Variants in NELL1 observed in about 807,000 individuals in gnomAD.
The protein encoded by NELL1 is protein kinase C-binding protein NELL1.
In NELL1, 76 loss-of-function variants were observed where a neutral mutation model predicts 107.4. The observed-to-expected ratio is 0.71, with a 90% CI of 0.59 to 0.86. The LOEUF is 0.86. NELL1 is among the 40% of genes least tolerant of loss of function. NELL1 has a pLI of 0.00. For synonymous variants in NELL1, 353 were observed against 341.2 expected, an observed-to-expected ratio of 1.03 and a Z score of -0.38; for missense variants, 1,024 against 1,005.5, an observed-to-expected ratio of 1.02 and a Z score of -0.25.
chr11:21,353,367 A>G (rs1033067151), intron 14 of NELL1, among the ~76,000 whole-genome samples: 7 of 152,194 alleles, frequency 4.6e-5, no homozygotes, highest in African/African-American at 1.2e-4. Context: ...TCATTTCACA[A>G]GTGAGGAAAC....
chr11:20,920,072 C>T (rs1379100854), intron 7 of NELL1, among the ~76,000 whole-genome samples: 1 of 152,016 alleles, frequency 6.6e-6, no homozygotes, highest in Admixed American at 6.6e-5. Flanking sequence ...AGTGTATATT[C>T]ATAATGAAAA....
chr11:21,316,084 C>A (rs1047221224), intron 14 of NELL1, among the ~76,000 whole-genome samples: 30 of 152,076 alleles, frequency 2.0e-4, no homozygotes, highest in African/African-American at 7.0e-4. Context: ...ATCAATTTGT[C>A]AAAAATATGT....
chr11:21,345,423 G>C lies in NELL1; in HGVS notation c.1550-25430G>C, dbSNP rs908015030. On this transcript the variant is annotated intron_variant, in intron 14 of 19. Transcript: ENST00000357134. ...AAGCTTTACTATTTTCAAAGCATTT[G>C]CATATCCATATCTTATTTAGACATC... Among the ~76,000 whole-genome samples, 3 of 152,206 alleles carry C rather than the reference G, an allele frequency of 2.0e-5. No individual in the cohort carries two copies. In the East Asian group the frequency reaches 5.8e-4, roughly 29 times the overall value.
intron 13 of NELL1, among the ~76,000 whole-genome samples, chr11:21,211,611 G>A (rs1217720547): frequency 3.3e-5 from 5 of 152,070 alleles, no homozygotes; most frequent in African/African-American, 1.2e-4. Context: ...GAGATGCATT[G>A]GGAAGCTATA....
At chr11:20,990,338 C>A (rs943469982) in intron 12 of NELL1, among the ~76,000 whole-genome samples, 2 of 152,162 alleles carry the variant, frequency 1.3e-5, no homozygotes, top group African/African-American at 4.8e-5. Flanking sequence ...CTGCTGAAGT[C>A]TCCTCACCCA....
chr11:20,995,511 G>A (rs957112120), intron 12 of NELL1, among the ~76,000 whole-genome samples: 8 of 152,036 alleles, frequency 5.3e-5, no homozygotes, highest in Non-Finnish European at 1.0e-4. Flanking sequence ...CCAGGAAGCG[G>A]AGGTTACAGT....
intron 14 of NELL1, among the ~76,000 whole-genome samples, chr11:21,310,982 C>T (rs1265604074): frequency 6.6e-6 from 1 of 152,040 alleles, no homozygotes; most frequent in Non-Finnish European, 1.5e-5. Flanking sequence ...GGTATATGGG[C>T]AGCAGACACC....
intron 12 of NELL1, among the ~76,000 whole-genome samples, chr11:21,067,172 A>G (rs1215252706): frequency 6.6e-6 from 1 of 151,926 alleles, no homozygotes; most frequent in Non-Finnish European, 1.5e-5. Context: ...TTTGTGCTTC[A>G]TTTTTGTTGC....
chr11:20,995,353 G>A (rs1041184221), intron 12 of NELL1, among the ~76,000 whole-genome samples: 4 of 151,954 alleles, frequency 2.6e-5, no homozygotes, highest in African/African-American at 7.3e-5. Context: ...AGGCTGAGGC[G>A]GGCAGATCAC....
At chr11:21,318,277 T>C (rs1331507169) in intron 14 of NELL1, among the ~76,000 whole-genome samples, 1 of 152,190 alleles carries the variant, frequency 6.6e-6, no homozygotes, top group Non-Finnish European at 1.5e-5. Context: ...TAGGACAGTA[T>C]GTAATTCATG....
chr11:20,775,453 CTT>C (rs1289021366), intron 2 of NELL1, among the ~76,000 whole-genome samples: 1 of 145,306 alleles, frequency 6.9e-6, no homozygotes, highest in African/African-American at 2.6e-5. Context: ...ATAATGCACT[CTT>C]AATCGTATTA....
chr11:20,742,417 C>T lies in NELL1; in HGVS notation c.185-41263C>T, dbSNP rs561927599. On this transcript the variant is annotated intron_variant, in intron 2 of 19. Transcript: ENST00000357134. ...AGGGATCTTGGCTCCCATGGGTCTACTCATTACCTCCCCTTATAGCACACT... is the reference window on the plus strand; with the variant it reads ...AGGGATCTTGGCTCCCATGGGTCTATTCATTACCTCCCCTTATAGCACACT... Among the ~76,000 whole-genome samples the T allele has an allele frequency of 4.0e-4, 61 of 152,242 alleles. No individual in the cohort carries two copies. In the South Asian group the frequency reaches 0.013, roughly 32 times the overall value.
intron 2 of NELL1, among the ~76,000 whole-genome samples, chr11:20,689,693 C>T (rs1211675575): frequency 8.0e-5 from 12 of 149,392 alleles, no homozygotes; most frequent in Non-Finnish European, 1.5e-5. Context: ...CATTGTTGGA[C>T]ATTTGGGTTG....
chr11:20,884,978 G>C (rs1361955656), intron 4 of NELL1, among the ~76,000 whole-genome samples: 1 of 152,224 alleles, frequency 6.6e-6, no homozygotes, highest in Non-Finnish European at 1.5e-5. Context: ...GCAGAAATGA[G>C]TAGGACCTAA....
chr11:21,208,999 A>G (rs889544211), intron 13 of NELL1, among the ~76,000 whole-genome samples: 1 of 152,160 alleles, frequency 6.6e-6, no homozygotes, highest in Non-Finnish European at 1.5e-5. Flanking sequence ...GATAGTAACC[A>G]TTGTGAAGAC....
intron 5 of NELL1, among the ~76,000 whole-genome samples, chr11:20,917,214 C>T (rs138630872): frequency 6.6e-6 from 1 of 152,052 alleles, no homozygotes; most frequent in Non-Finnish European, 1.5e-5. Context: ...CTCTCATAAT[C>T]GCAAACACTG....
At chr11:20,811,724 C>T (rs1857505614) in intron 3 of NELL1, among the ~76,000 whole-genome samples, 1 of 151,824 alleles carries the variant, frequency 6.6e-6, no homozygotes, top group Non-Finnish European at 1.5e-5. Context: ...TTCTTGATTT[C>T]TTTTTCAAAT....
At chr11:21,231,092 C>T (rs78812422) in intron 14 of NELL1, among the ~76,000 whole-genome samples, 3,212 of 152,188 alleles carry the variant, frequency 0.021, 103 homozygotes, top group African/African-American at 0.069. Context: ...TGTATGTACA[C>T]GCACGCACAC....
At chr11:21,443,091 G>A (rs192498974) in intron 15 of NELL1, among the ~76,000 whole-genome samples, 208 of 151,930 alleles carry the variant, frequency 1.4e-3, no homozygotes, top group Non-Finnish European at 2.8e-3. Flanking sequence ...AGAAGTCCAA[G>A]ATCCAAGATT....
Sources: allele counts gnomAD v4.1 joint callset (sites outside exome capture counted in the v4.1 genomes callset), GRCh38; gene constraint gnomAD v4.1.1; transcripts MANE v1.5; gene names NCBI Gene and HGNC (gene_info 2026-07-23, HGNC 2026-07-21).